Variants in KLHL8 observed in about 807,000 individuals in gnomAD.
KLHL8 encodes the protein kelch-like protein 8.
Under a neutral mutation model 63.5 loss-of-function variants are expected in KLHL8, and 38 were observed. The ratio of observed to expected loss-of-function variants is 0.60; its 90% CI spans 0.46 to 0.78. KLHL8 has a LOEUF of 0.78. KLHL8 is among the 30% of genes least tolerant of loss of function. KLHL8 has a pLI of 0.00. For missense variants in KLHL8, 566 were observed against 752.4 expected (o/e 0.75, Z 2.90); for synonymous variants, 224 against 254.3 (o/e 0.88, Z 1.13).
At chr4:87,167,029 A>C (rs1207782324) in intron 8 of KLHL8, 2 of 227,490 alleles carry the variant, frequency 8.8e-6, no homozygotes, top group East Asian at 2.4e-4. Context: ...CAGTATCCAG[A>C]GCAACGAGGC....
At chr4:87,177,537 C>CTATATA (rs10631485) in intron 5 of KLHL8, among the ~76,000 whole-genome samples, 5 of 149,768 alleles carry the variant, frequency 3.3e-5, no homozygotes, top group Non-Finnish European at 5.9e-5. Context: ...CAAACAAAAA[C>CTATATA]TATATATATA....
intron 1 of KLHL8, chr4:87,207,938 A>G (rs1732210684): frequency 1.0e-5 from 10 of 992,114 alleles, no homozygotes; most frequent in Non-Finnish European, 1.3e-5. Flanking sequence ...GTCTCCTCCA[A>G]CTTCAACAGC....
At chr4:87,214,428 A>G (rs1251901266) in intron 1 of KLHL8, among the ~76,000 whole-genome samples, 1 of 45,544 alleles carries the variant, frequency 2.2e-5, no homozygotes, top group Non-Finnish European at 3.6e-5. Context: ...ATATATATAT[A>G]TATATATATA....
At chr4:87,226,825 T>A (rs867944137) in intron 1 of KLHL8, among the ~76,000 whole-genome samples, 2 of 11,672 alleles carry the variant, frequency 1.7e-4, no homozygotes, top group South Asian at 2.1e-3. Context: ...ATAATATATA[T>A]TATTTATAAA....
chr4:87,226,540 C>T (rs1415396533), intron 1 of KLHL8, among the ~76,000 whole-genome samples: 3 of 135,826 alleles, frequency 2.2e-5, no homozygotes, highest in Non-Finnish European at 4.6e-5. Flanking sequence ...CCAGCCTGGG[C>T]AACAGAGCAA....
chr4:87,231,795 G>A (rs1733142270), intron 1 of KLHL8, among the ~76,000 whole-genome samples: 2 of 151,832 alleles, frequency 1.3e-5, no homozygotes, highest in Non-Finnish European at 2.9e-5. Context: ...ACGAGGTTTC[G>A]CCATGTTGGC....
At chr4:87,182,489 T>C (rs1578371801) in intron 4 of KLHL8, among the ~76,000 whole-genome samples, 1 of 152,122 alleles carries the variant, frequency 6.6e-6, no homozygotes, top group Admixed American at 6.6e-5. Flanking sequence ...ATAGAGGAAG[T>C]CTCTATTTAG....
At chr4:87,215,841 A>G (rs1732574151) in intron 1 of KLHL8, among the ~76,000 whole-genome samples, 1 of 152,264 alleles carries the variant, frequency 6.6e-6, no homozygotes, top group South Asian at 2.1e-4. Flanking sequence ...TTGAAAACAT[A>G]CATATCCATC....
At position 87,195,340 on chromosome 4, in the gene KLHL8, C is replaced by T; in HGVS notation, c.200G>A (p.Cys67Tyr). 1.2e-6 allele frequency: 2 copies of T among 1,611,966 alleles called. No individual in the cohort carries two copies. Among genetic ancestry groups the T allele is most frequent in the Non-Finnish European group, 1.7e-6 (2 of 1,179,764 alleles). ...CAATCTCACCTTGAGTGTGACATCACAGAGTTCTCCATTTTCATAAAATCG... is the reference window on the plus strand; with the variant it reads ...CAATCTCACCTTGAGTGTGACATCATAGAGTTCTCCATTTTCATAAAATCG... The part of the protein sequence containing the change: ...LLRFYENGEL[C>Y]DVTLKVGSKL... The change falls in exon 2 of 10, where the codon TGT (cysteine) becomes TAT (tyrosine). Residue 67 changes from cysteine to tyrosine, a missense_variant. Cys to Tyr is a radical substitution (Grantham distance 194). Transcript: ENST00000273963.
At position 87,176,866 on chromosome 4, in the gene KLHL8, T is replaced by A; in HGVS notation, c.1099A>T (p.Lys367Ter). The change falls in exon 6 of 10, where the codon AAA (lysine) becomes TAA (stop). Residue 367 changes from lysine to a stop codon, truncating the protein, a stop_gained and splice_region_variant. Coordinates refer to ENST00000273963, the MANE Select transcript of KLHL8 (RefSeq NM_020803.5). LOFTEE classifies it high-confidence loss of function. ...RHVGVISVEG[K>*]VYAVGGHDGN... Reference sequence around the variant, plus strand: ...TCATGTCCACCTACTGCATACACTTTACCTGTCAAATAGAGAAGTATTTTC... The same window carrying A: ...TCATGTCCACCTACTGCATACACTTAACCTGTCAAATAGAGAAGTATTTTC... 1.9e-6 allele frequency: 3 copies of A among 1,550,190 alleles called. No homozygotes were observed. The highest frequency in any genetic ancestry group is 2.6e-6 in the Non-Finnish European group (3 of 1,134,344).
chr4:87,212,676 G>C (rs1487479596), intron 1 of KLHL8, among the ~76,000 whole-genome samples: 1 of 152,166 alleles, frequency 6.6e-6, no homozygotes, highest in Non-Finnish European at 1.5e-5. Context: ...GATGATGATG[G>C]TGACCAATGC....
rs1491334674 is a variant in KLHL8 at position 87,226,758 on chromosome 4, T to TATATATAATATATA, written n.58-5369_58-5368insTATATATTATATAT. On this transcript the variant is annotated intron_variant and non_coding_transcript_variant, in intron 1 of 1. Coordinates refer to the KLHL8 transcript ENST00000506274. Reference sequence around the variant, plus strand: ...TATTATTTATATATAATATATATTATTTATATATAATATATATTATATATA... The same window carrying TATATATAATATATA: ...TATTATTTATATATAATATATATTATATATATAATATATATTATATATAATATATATTATATATA... Among the ~76,000 whole-genome samples the TATATATAATATATA allele has an allele frequency of 7.9e-3, 61 of 7,684 alleles. 13 individuals are homozygous for TATATATAATATATA. Among genetic ancestry groups the TATATATAATATATA allele is most frequent in the Middle Eastern group, 0.2 (2 of 10 alleles). 5.0% of individuals were successfully genotyped at this position (7,684 alleles called of 152,430 possible). A position where few individuals can be genotyped will look rare whatever the true frequency, so the allele number is the denominator to read the frequency against.
chr4:87,184,971 A>G (rs1731195107), intron 3 of KLHL8, among the ~76,000 whole-genome samples: 1 of 152,226 alleles, frequency 6.6e-6, no homozygotes, highest in Admixed American at 6.5e-5. Flanking sequence ...ATTGGCATAA[A>G]TAAAATATTC....
intron 1 of KLHL8, chr4:87,219,839 G>A (rs1401381237): frequency 2.6e-5 from 4 of 152,336 alleles, no homozygotes; most frequent in East Asian, 1.9e-4. Flanking sequence ...GGCACCTCCA[G>A]GGCGGCCAGC....
At chr4:87,222,905 C>G (rs182649774), upstream of KLHL8, among the ~76,000 whole-genome samples, 1 of 151,872 alleles carries the variant, frequency 6.6e-6, no homozygotes, top group Non-Finnish European at 1.5e-5. Context: ...TTTAGTAAGA[C>G]CATGTTAATA....
At chr4:87,209,752 T>C (rs1188689767) in intron 1 of KLHL8, among the ~76,000 whole-genome samples, 4 of 152,184 alleles carry the variant, frequency 2.6e-5, no homozygotes, top group Admixed American at 2.6e-4. Flanking sequence ...TCATAACTCT[T>C]TGCAGCACAG....
intron 1 of KLHL8, among the ~76,000 whole-genome samples, chr4:87,204,469 C>A (rs1223208996): frequency 1.3e-5 from 2 of 151,990 alleles, no homozygotes; most frequent in East Asian, 3.9e-4. Flanking sequence ...GGCAGTTTAA[C>A]CTAGAGAAAT....
At chr4:87,167,371 G>A in intron 8 of KLHL8, 1 of 444,030 alleles carries the variant, frequency 2.3e-6, no homozygotes, top group South Asian at 1.8e-5. Flanking sequence ...TACAGATATG[G>A]TTTTATTCAT....
At chr4:87,232,662 T>C (rs1733155798) in intron 1 of KLHL8, among the ~76,000 whole-genome samples, 1 of 152,262 alleles carries the variant, frequency 6.6e-6, no homozygotes, top group African/African-American at 2.4e-5. Flanking sequence ...CCAGTGATCG[T>C]ACATTCTGGC....
Sources: allele counts gnomAD v4.1 joint callset (sites outside exome capture counted in the v4.1 genomes callset), GRCh38; gene constraint gnomAD v4.1.1; transcripts MANE v1.5; gene names NCBI Gene and HGNC (gene_info 2026-07-23, HGNC 2026-07-21).